Variants in LRRIQ1 observed in about 807,000 individuals in gnomAD.
LRRIQ1 encodes the protein leucine-rich repeat- and IQ domain-containing protein 1.
In LRRIQ1, 210 loss-of-function variants were observed where a neutral mutation model predicts 211.9. That is an observed-to-expected ratio of 0.99 (90% CI 0.89 to 1.11). The LOEUF (loss-of-function observed/expected upper bound fraction) is 1.11. Ranked by LOEUF, LRRIQ1 falls within the 50% of genes most tolerant of loss-of-function variation. The pLI is 0.00. For missense variants in LRRIQ1, 2,136 were observed against 1,939.5 expected (o/e 1.10, Z -1.90); for synonymous variants, 699 against 650.1 (o/e 1.08, Z -1.14).
chr12:85,097,489 A>G (rs888295083), intron 11 of LRRIQ1, among the ~76,000 whole-genome samples: 3 of 147,946 alleles, frequency 2.0e-5, no homozygotes, highest in East Asian at 2.0e-4. Context: ...ATTCCAACCT[A>G]TGAGTGAGAA....
chr12:85,122,544 A>G (rs1888062225), intron 16 of LRRIQ1, among the ~76,000 whole-genome samples: 1 of 152,092 alleles, frequency 6.6e-6, no homozygotes, highest in African/African-American at 2.4e-5. Flanking sequence ...ATGATTTTGT[A>G]TTGTTTCACT....
intron 24 of LRRIQ1, among the ~76,000 whole-genome samples, chr12:85,199,886 A>G (rs767023499): frequency 4.6e-5 from 7 of 152,102 alleles, no homozygotes; most frequent in Non-Finnish European, 7.4e-5. Context: ...CAGCCAAAAC[A>G]TACCAGTCAG....
chr12:85,081,723 C>CTTTTTTTTTTTTTTTTTTTT lies in LRRIQ1; in HGVS notation c.2887+8626_2887+8645dup, dbSNP rs766961193. On this transcript the variant is annotated intron_variant, in intron 11 of 26. Transcript: ENST00000393217. Reference sequence around the variant, plus strand: ...TTTATGCCCTTTATTTCTTCTTCTTCTTTTTTTTTTTTTTTTTTTTGAGAC... The same window carrying CTTTTTTTTTTTTTTTTTTTT: ...TTTATGCCCTTTATTTCTTCTTCTTCTTTTTTTTTTTTTTTTTTTTTTTTTTTTTTTTTTTTTTTTGAGAC... 2.3e-4 allele frequency among the ~76,000 whole-genome samples: 26 copies of CTTTTTTTTTTTTTTTTTTTT among 113,418 alleles called. 1 individual carries two copies. Among genetic ancestry groups the CTTTTTTTTTTTTTTTTTTTT allele is most frequent in the East Asian group, 7.6e-4 (3 of 3,958 alleles). The allele number at this position is 113,418 out of a possible 152,430, so 74.4% of individuals were successfully genotyped here.
At chr12:85,145,455 C>T (rs1035683747) in intron 19 of LRRIQ1, among the ~76,000 whole-genome samples, 3 of 151,494 alleles carry the variant, frequency 2.0e-5, no homozygotes, top group Non-Finnish European at 4.4e-5. Context: ...GTATAGTTTA[C>T]CCTAATTTAT....
intron 24 of LRRIQ1, among the ~76,000 whole-genome samples, chr12:85,193,070 A>G (rs1203926173): frequency 8.9e-5 from 9 of 100,868 alleles, no homozygotes; most frequent in Non-Finnish European, 1.3e-4. Context: ...ATATTATATT[A>G]TATTTTATTA....
intron 19 of LRRIQ1, among the ~76,000 whole-genome samples, chr12:85,141,691 G>T (rs1889550715): frequency 6.7e-6 from 1 of 149,182 alleles, no homozygotes; most frequent in African/African-American, 2.5e-5. Context: ...CATATAGTTG[G>T]GTTCTGCTTA....
At chr12:85,180,341 G>A (rs1206528418) in intron 24 of LRRIQ1, among the ~76,000 whole-genome samples, 1 of 151,770 alleles carries the variant, frequency 6.6e-6, no homozygotes, top group Non-Finnish European at 1.5e-5. Flanking sequence ...ATCAATATGT[G>A]TTTTTATGTT....
intron 15 of LRRIQ1, among the ~76,000 whole-genome samples, chr12:85,110,449 A>G (rs1478659713): frequency 1.3e-5 from 2 of 152,114 alleles, no homozygotes; most frequent in African/African-American, 4.8e-5. Flanking sequence ...TGAGTCCCAT[A>G]AAGGCTAAAT....
In LRRIQ1 at chr12:85,097,045, GT is replaced by G. The variant is rs199784086; in HGVS notation, c.2888-1306del. On this transcript the variant is annotated intron_variant, in intron 11 of 26. Coordinates refer to ENST00000393217, the MANE Select transcript of LRRIQ1 (RefSeq NM_001079910.2). ...TGAACCCTTTACTTTGAGCCTATAT[GT>G]TTTGTTAAATGTGAGGTAGACCTCT... Among the ~76,000 whole-genome samples, 262 of 152,270 alleles carry G rather than the reference GT, an allele frequency of 1.7e-3. 5 individuals carry two copies. In the East Asian group the frequency reaches 0.041, roughly 24 times the overall value.
Position 85,138,328 on chromosome 12 carries a change from G to A in LRRIQ1, c.4329+359G>A, listed in dbSNP as rs963198035. ...GAGATCTAATCCAGAATCATAAGTT[G>A]CATTTAGTTGTCATTTTTCCTTAGT... On this transcript the variant is annotated intron_variant, in intron 19 of 26. Coordinates refer to ENST00000393217, the MANE Select transcript of LRRIQ1 (RefSeq NM_001079910.2). Among the ~76,000 whole-genome samples, 7 of 151,560 alleles carry A rather than the reference G, an allele frequency of 4.6e-5. No homozygotes were observed. The South Asian group carries it at 1.0e-3, about 22-fold the overall frequency.
intron 8 of LRRIQ1, among the ~76,000 whole-genome samples, chr12:85,064,954 T>C (rs931332438): frequency 1.1e-4 from 17 of 151,606 alleles, no homozygotes; most frequent in African/African-American, 4.1e-4. Context: ...TTGAAGTCCA[T>C]ACCACTTTAA....
At chr12:85,232,674 T>C in intron 25 of LRRIQ1, 22 bp from the exon 26 acceptor site, 1 of 1,594,138 alleles carries the variant, frequency 6.3e-7, no homozygotes, top group Non-Finnish European at 8.6e-7. Context: ...ATAAAATACT[T>C]TCTGTTTTTG....
intron 1 of LRRIQ1, among the ~76,000 whole-genome samples, chr12:85,255,067 T>TG (rs1896050816): frequency 6.6e-6 from 1 of 151,950 alleles, no homozygotes; most frequent in African/African-American, 2.4e-5. Flanking sequence ...TTTTCACTGA[T>TG]GCCTTTTATT....
At position 85,177,687 on chromosome 12, in the gene LRRIQ1, C is replaced by T. The variant is rs1002711200; in HGVS notation, c.4822+16973C>T. ...TTTTTAGTCCATATTGAGGATTTGA[C>T]TTTCTATATTCCAATGATTACAGCC... On this transcript the variant is annotated intron_variant, in intron 24 of 26. Transcript: ENST00000393217. 3.9e-5 allele frequency among the ~76,000 whole-genome samples: 6 copies of T among 152,182 alleles called. No homozygotes were observed. The East Asian group carries it at 7.7e-4, about 20-fold the overall frequency.
chr12:85,230,553 T>C (rs1894883612), intron 25 of LRRIQ1, among the ~76,000 whole-genome samples: 1 of 152,150 alleles, frequency 6.6e-6, no homozygotes. Flanking sequence ...TCTGAGGTAC[T>C]AGGGGTTAGA....
intron 24 of LRRIQ1, among the ~76,000 whole-genome samples, chr12:85,188,611 C>G (rs535435004): frequency 6.6e-6 from 1 of 152,114 alleles, no homozygotes; most frequent in East Asian, 1.9e-4. Context: ...TTGAAATACT[C>G]TCTTATCTGA....
chr12:85,150,223 T>A (rs1592887907), intron 19 of LRRIQ1, among the ~76,000 whole-genome samples: 1 of 151,916 alleles, frequency 6.6e-6, no homozygotes, highest in South Asian at 2.1e-4. Flanking sequence ...CTTTGTAATA[T>A]TGTCTCCTTC....
At chr12:85,054,379 A>G (rs1880725178) in intron 7 of LRRIQ1, among the ~76,000 whole-genome samples, 1 of 152,216 alleles carries the variant, frequency 6.6e-6, no homozygotes, top group South Asian at 2.1e-4. Context: ...CTAACAGCTT[A>G]CATTCCCCAG....
intron 11 of LRRIQ1, among the ~76,000 whole-genome samples, chr12:85,075,295 A>G (rs1396045680): frequency 2.0e-5 from 3 of 151,950 alleles, no homozygotes; most frequent in Non-Finnish European, 4.4e-5. Context: ...ATTTTTTTTT[A>G]TTAGCTAGGT....
Sources: gnomAD v4.1 joint callset for allele counts (sites outside exome capture counted in the v4.1 genomes callset) on GRCh38, gnomAD v4.1.1 for gene constraint, MANE v1.5 for transcripts, NCBI Gene and HGNC (gene_info 2026-07-23, HGNC 2026-07-21) for gene names.